SRSF4: variants seen among roughly 807,000 people sequenced by gnomAD.
SRSF4 encodes the protein serine/arginine-rich splicing factor 4.
SRSF4 carries 12 observed loss-of-function variants against 48.8 expected under a neutral mutation model. That is an observed-to-expected ratio of 0.25 (90% CI 0.16 to 0.40). The LOEUF (loss-of-function observed/expected upper bound fraction) is 0.40, where lower values mean the gene tolerates loss of function less well. Ranked by LOEUF, SRSF4 falls within the 10% of genes least tolerant of loss-of-function variation. The probability of loss-of-function intolerance (pLI) is 1.00; values close to 1 mark genes in which losing one functional copy is unlikely to be tolerated. For synonymous variants in SRSF4, 248 were observed against 232.5 expected (o/e 1.07, Z -0.61); for missense variants, 466 against 667.1 (o/e 0.70, Z 3.32).
chr1:29,168,594 C>T (rs1672701190), intron 1 of SRSF4: 1 of 152,158 alleles, frequency 6.6e-6, no homozygotes, highest in Non-Finnish European at 1.5e-5. Context: ...CAGTGTCAGC[C>T]ATCTGGTCCT....
At chr1:29,167,629 C>T (rs1672686271) in intron 1 of SRSF4, among the ~76,000 whole-genome samples, 2 of 152,178 alleles carry the variant, frequency 1.3e-5, no homozygotes, top group African/African-American at 2.4e-5. Context: ...GTGATATGGC[C>T]GCCTCAGCCT....
intron 3 of SRSF4, among the ~76,000 whole-genome samples, chr1:29,159,038 G>A (rs1003771831): frequency 1.3e-5 from 2 of 151,796 alleles, no homozygotes; most frequent in Non-Finnish European, 2.9e-5. Context: ...CCCGGGAGGC[G>A]GAGGCTGCAG....
At chr1:29,180,146 C>G (rs1309066808) in intron 1 of SRSF4, among the ~76,000 whole-genome samples, 1 of 152,198 alleles carries the variant, frequency 6.6e-6, no homozygotes, top group East Asian at 1.9e-4. Flanking sequence ...CTTGCCCATA[C>G]GTAGTAAGTG....
rs1672336087 is a variant in SRSF4, at chr1:29,148,210, A to G, written c.*200T>C. The G allele has an allele frequency of 1.3e-6, 1 of 794,336 alleles. No individual in the cohort carries two copies. Among genetic ancestry groups the G allele is most frequent in the South Asian group, 1.5e-5 (1 of 68,420 alleles). 49.2% of individuals were successfully genotyped at this position (794,336 alleles called of 1,614,324 possible). ...AGTAAAAGGGGATTTTCAAAGAGAA[A>G]ATTTTTTTCAGTCGAGCAGGAAGGC... is the stretch of plus-strand genomic sequence containing the variant. On this transcript the variant is annotated 3_prime_UTR_variant, in exon 6 of 6. Coordinates refer to ENST00000373795, the MANE Select transcript of SRSF4 (RefSeq NM_005626.5).
chr1:29,161,417 C>T (rs989440572), intron 1 of SRSF4, among the ~76,000 whole-genome samples: 32 of 152,128 alleles, frequency 2.1e-4, no homozygotes, highest in Non-Finnish European at 3.8e-4. Context: ...TCTTATTGAT[C>T]ATAACTAATC....
chr1:29,154,858 C>T lies in SRSF4; in HGVS notation c.416G>A (p.Arg139His), dbSNP rs754357743. The T allele has an allele frequency of 1.9e-6, 3 of 1,613,934 alleles. No individual in the cohort carries two copies. Among genetic ancestry groups the T allele is most frequent in the Admixed American group, 1.7e-5 (1 of 60,006 alleles). The change falls in exon 4 of 6, where the codon CGC becomes CAC. Residue 139 changes from arginine (R) to histidine (H), a missense_variant. Arg to His is a conservative substitution (Grantham distance 29, BLOSUM62 0). Coordinates refer to ENST00000373795, the MANE Select transcript of SRSF4 (RefSeq NM_005626.5). ...AAATTCAATCACCCCTTCATTTTTG[C>T]GTCCCTTGTGAGCATCTGCATAAGT... ...EVTYADAHKG[R>H]KNEGVIEFVS...
intron 2 of SRSF4, chr1:29,160,151 A>C: frequency 2.1e-6 from 1 of 485,654 alleles, no homozygotes; most frequent in Non-Finnish European, 3.5e-6. Context: ...ACACATCATT[A>C]AACATATTTA....
At chr1:29,171,459 C>T (rs936574113) in intron 1 of SRSF4, 1 of 150,370 alleles carries the variant, frequency 6.7e-6, no homozygotes, top group Non-Finnish European at 1.5e-5. Flanking sequence ...GTCAATAACT[C>T]ATTTTGTAAC....
rs140180703 is a variant in SRSF4 at position 29,168,029 on chromosome 1, T to TTTTA, written c.108-7513_108-7512insTAAA. 3.0e-4 allele frequency among the ~76,000 whole-genome samples: 43 copies of TTTTA among 141,192 alleles called. No individual in the cohort carries two copies. In the East Asian group the frequency reaches 5.9e-3, roughly 19 times the overall value. 92.6% of individuals were successfully genotyped at this position (141,192 alleles called of 152,430 possible). A position where few individuals can be genotyped will look rare whatever the true frequency, so the allele number is the denominator to read the frequency against. On this transcript the variant is annotated intron_variant, in intron 1 of 5. Transcript: ENST00000373795. ...TCTAATTCCTTTTTTTTTTTTTTTT[T>TTTTA]AAAAAAAACATAGTCTCGCTCTGTC...
At chr1:29,177,099 T>C (rs1303017531) in intron 1 of SRSF4, among the ~76,000 whole-genome samples, 3 of 152,184 alleles carry the variant, frequency 2.0e-5, no homozygotes, top group African/African-American at 7.2e-5. Context: ...GCAACTAGTG[T>C]ACTCAAAATT....
intron 1 of SRSF4, 99 bp from the exon 2 acceptor site, chr1:29,160,616 A>T: frequency 1.4e-6 from 2 of 1,404,194 alleles, no homozygotes; most frequent in Non-Finnish European, 1.9e-6. Context: ...AGCAAAGGTT[A>T]GGTGGATTTT....
At chr1:29,178,585 T>C (rs1672907207) in intron 1 of SRSF4, among the ~76,000 whole-genome samples, 1 of 151,914 alleles carries the variant, frequency 6.6e-6, no homozygotes, top group Non-Finnish European at 1.5e-5. Context: ...CTCGATCTCC[T>C]GACCTCGTCA....
intron 1 of SRSF4, chr1:29,168,951 T>G (rs1672706621): frequency 6.6e-6 from 1 of 152,182 alleles, no homozygotes. Context: ...TATACAAAGG[T>G]TAAAGCAGCA....
chr1:29,174,567 G>C (rs1321910753), intron 1 of SRSF4, among the ~76,000 whole-genome samples: 1 of 151,746 alleles, frequency 6.6e-6, no homozygotes, highest in Non-Finnish European at 1.5e-5. Flanking sequence ...CAGGCTGTTA[G>C]GGTGAAACAA....
intron 1 of SRSF4, among the ~76,000 whole-genome samples, chr1:29,168,124 T>C (rs951024460): frequency 1.3e-5 from 2 of 152,000 alleles, no homozygotes; most frequent in Non-Finnish European, 2.9e-5. Flanking sequence ...AAGCAATTCT[T>C]GTACCTCAGC....
chr1:29,168,960 C>T (rs1031779992), intron 1 of SRSF4: 2 of 152,148 alleles, frequency 1.3e-5, no homozygotes, highest in Non-Finnish European at 2.9e-5. Context: ...GTTAAAGCAG[C>T]AACCAGAAAA....
Position 29,149,175 on chromosome 1 carries a change from G to C in SRSF4, c.720C>G (p.Ser240Arg). The C allele has an allele frequency of 6.2e-7, 1 of 1,611,666 alleles. No homozygotes were observed. The highest frequency in any genetic ancestry group is 8.5e-7 in the Non-Finnish European group (1 of 1,179,974). Residue 240 changes from serine (S) to arginine (R), a missense_variant, in exon 6 of 6, where the codon AGC becomes AGG. Physicochemically the swap from Ser to Arg is moderately radical, Grantham distance 110 (BLOSUM62 -1). This residue lies in a region of SRSF4 where 402 missense variants were observed against 437.0 expected (regional missense o/e 0.92). Transcript: ENST00000373795. ...TCCTGCTTTTCTCTTTCTTGCTCCG[G>C]CTCCGACTCTGGCTCCGGCTCCGGC... ...SKSRSRSQSR[S>R]RSKKEKSRSP...
Position 29,149,977 on chromosome 1 carries a change from A to T in SRSF4, c.668+126T>A, listed in dbSNP as rs150887473. The T allele has an allele frequency of 1.1e-3, 869 of 768,050 alleles. 24 individuals carry two copies. The East Asian group carries it at 0.022, about 19-fold the overall frequency. The allele number at this position is 768,050 out of a possible 1,614,324, so 47.6% of individuals were successfully genotyped here. On this transcript the variant is annotated intron_variant, in intron 5 of 5. Transcript: ENST00000373795. ...CAGTGAGGTGAGGCTGCAGTGAGCC[A>T]TGACTGTACCACTGGACTCCAGCTT...
chr1:29,177,235 C>T (rs912260687), intron 1 of SRSF4, among the ~76,000 whole-genome samples: 4 of 151,472 alleles, frequency 2.6e-5, no homozygotes, highest in African/African-American at 9.7e-5. Context: ...GCTTCCTTGA[C>T]GTGCATCTAG....
Sources: gnomAD v4.1 joint callset for allele counts (sites outside exome capture counted in the v4.1 genomes callset) on GRCh38, gnomAD v4.1.1 for gene constraint, gnomAD v4.1.1 regional missense constraint, MANE v1.5 for transcripts, NCBI Gene and HGNC (gene_info 2026-07-23, HGNC 2026-07-21) for gene names.